Variants in ACADL observed in about 807,000 individuals in gnomAD.
The protein encoded by ACADL is long-chain specific acyl-CoA dehydrogenase, mitochondrial.
ACADL carries 60 observed loss-of-function variants against 56.9 expected under a neutral mutation model. The ratio of observed to expected loss-of-function variants is 1.05; its 90% confidence interval spans 0.86 to 1.31. ACADL has a LOEUF of 1.31. Among genes scored for constraint, ACADL ranks in the 50% most tolerant of loss-of-function variants. ACADL has a pLI of 0.00. For missense variants in ACADL, 484 were observed against 525.5 expected (o/e 0.92, Z 0.77); for synonymous variants, 158 against 179.7 (o/e 0.88, Z 0.97).
rs745306024 is a variant in ACADL at position 210,220,692 on chromosome 2, C to G, written c.188G>C (p.Ser63Thr). ...FSPEHDIFRK[S>T]VRKFFQEEVI... The stretch of plus-strand genomic sequence containing the variant: ...TTCTTCTTGGAAAAACTTCCTTACA[C>G]TTTTCCGGAAAATGTCATGCTCTGG... Residue 63 changes from serine to threonine, a missense_variant, in exon 2 of 11, where the codon AGT (serine) becomes ACT (threonine). Physicochemically the swap from Ser to Thr is moderately conservative, Grantham distance 58. Coordinates refer to ENST00000233710, the MANE Select transcript of ACADL (RefSeq NM_001608.4). 1.2e-6 allele frequency: 2 copies of G among 1,613,576 alleles called. No individual in the cohort carries two copies. The highest frequency in any genetic ancestry group is 1.7e-6 in the Non-Finnish European group (2 of 1,179,782).
At chr2:210,209,982 A>G (rs561661792) in intron 5 of ACADL, 1 of 484,472 alleles carries the variant, frequency 2.1e-6, no homozygotes, top group South Asian at 2.6e-5. Context: ...CCTTTGCCAT[A>G]TTAGTGAGGG....
Position 210,189,063 on chromosome 2 carries a change from A to C in ACADL, c.1200-9T>G. The C allele has an allele frequency of 2.5e-6, 4 of 1,582,602 alleles. No individual in the cohort carries two copies. The highest frequency in any genetic ancestry group is 3.5e-6 in the Non-Finnish European group (4 of 1,151,608). Reference sequence around the variant, plus strand: ...TGGCATCCACATAAGCTCTGGATAAATCAGATGATTGAATGAATAAATAAA... The same window carrying C: ...TGGCATCCACATAAGCTCTGGATAACTCAGATGATTGAATGAATAAATAAA... On this transcript the variant is annotated splice_polypyrimidine_tract_variant and intron_variant, in intron 10 of 10. Coordinates refer to ENST00000233710, the MANE Select transcript of ACADL (RefSeq NM_001608.4).
intron 8 of ACADL, among the ~76,000 whole-genome samples, chr2:210,199,580 T>C (rs1688762466): frequency 6.6e-6 from 1 of 152,082 alleles, no homozygotes; most frequent in Non-Finnish European, 1.5e-5. Context: ...TTCTGAGCCA[T>C]TCAGGCAATC....
intron 3 of ACADL, 188 bp downstream of exon 3, chr2:210,217,777 C>A: frequency 1.5e-6 from 1 of 675,106 alleles, no homozygotes; most frequent in East Asian, 2.8e-5. Context: ...AAAGGATTTT[C>A]TTATTATCCC....
At chr2:210,194,934 C>G (rs979430880) in intron 9 of ACADL, among the ~76,000 whole-genome samples, 1 of 152,150 alleles carries the variant, frequency 6.6e-6, no homozygotes, top group African/African-American at 2.4e-5. Context: ...CATTTTCCCA[C>G]TCTTAATATT....
intron 4 of ACADL, among the ~76,000 whole-genome samples, chr2:210,214,990 G>T (rs535215560): frequency 6.6e-6 from 1 of 152,102 alleles, no homozygotes; most frequent in Non-Finnish European, 1.5e-5. Context: ...AATATTAAGA[G>T]ATTTAAAAAT....
At chr2:210,206,045 C>CATA (rs970286376) in intron 5 of ACADL, among the ~76,000 whole-genome samples, 2 of 151,858 alleles carry the variant, frequency 1.3e-5, no homozygotes, top group African/African-American at 4.8e-5. Flanking sequence ...TAATATTATA[C>CATA]ATAATAATAA....
At chr2:210,218,470 A>G (rs2125717893) in intron 2 of ACADL, 1 of 243,290 alleles carries the variant, frequency 4.1e-6, no homozygotes, top group Admixed American at 5.3e-5. Context: ...TTTTTTTTGT[A>G]GAGACGGGGT....
At chr2:210,201,173 T>G (rs929891773) in intron 8 of ACADL, among the ~76,000 whole-genome samples, 6 of 152,188 alleles carry the variant, frequency 3.9e-5, no homozygotes, top group African/African-American at 1.4e-4. Flanking sequence ...TGTTCCTGTG[T>G]GATGACCTAG....
Position 210,195,454 on chromosome 2 carries a change from A to T in ACADL, c.985-116T>A, listed in dbSNP as rs1688694639. ...GATCTTTAGGGCAAACAAAAGTGGAATTGTTGGTTTTTTCCTCCATAAAAA... is the reference window on the plus strand; with the variant it reads ...GATCTTTAGGGCAAACAAAAGTGGATTTGTTGGTTTTTTCCTCCATAAAAA... On this transcript the variant is annotated intron_variant, in intron 8 of 10. Coordinates refer to ENST00000233710, the MANE Select transcript of ACADL (RefSeq NM_001608.4). 33 of 1,169,956 alleles carry T rather than the reference A, an allele frequency of 2.8e-5. No homozygotes were observed. The South Asian group carries it at 4.4e-4, about 16-fold the overall frequency. The allele number at this position is 1,169,956 out of a possible 1,614,324, so 72.5% of individuals were successfully genotyped here. A position where few individuals can be genotyped will look rare whatever the true frequency, so the allele number is the denominator to read the frequency against.
At chr2:210,198,628 G>C (rs263681) in intron 8 of ACADL, among the ~76,000 whole-genome samples, 17,576 of 152,020 alleles carry the variant, frequency 0.12, 1,256 homozygotes, top group African/African-American at 0.2. Context: ...ACAGTATATA[G>C]GTAAAGAGTG....
intron 5 of ACADL, chr2:210,209,680 T>C (rs1286614568): frequency 6.5e-6 from 1 of 153,398 alleles, no homozygotes; most frequent in Non-Finnish European, 1.4e-5. Context: ...TAGTTTTTAC[T>C]TTTATAGAGA....
intron 5 of ACADL, among the ~76,000 whole-genome samples, chr2:210,208,430 A>G (rs1688924982): frequency 6.6e-6 from 1 of 152,180 alleles, no homozygotes; most frequent in African/African-American, 2.4e-5. Context: ...TAATAGAGTT[A>G]TATGAGAATT....
intron 8 of ACADL, among the ~76,000 whole-genome samples, chr2:210,198,190 C>G (rs992693199): frequency 2.0e-5 from 3 of 152,082 alleles, no homozygotes; most frequent in Non-Finnish European, 4.4e-5. Flanking sequence ...TGGATGGAGT[C>G]TTTTTCAGAG....
At chr2:210,222,345 A>T (rs1485800227) in intron 1 of ACADL, among the ~76,000 whole-genome samples, 3 of 152,004 alleles carry the variant, frequency 2.0e-5, no homozygotes, top group Non-Finnish European at 4.4e-5. Flanking sequence ...GGAGGCAGAG[A>T]CAGAGGTTGC....
intron 9 of ACADL, among the ~76,000 whole-genome samples, chr2:210,193,802 G>A (rs544552618): frequency 1.3e-5 from 2 of 152,140 alleles, no homozygotes; most frequent in East Asian, 3.9e-4. Flanking sequence ...TTCTCAAGTA[G>A]GAGTTACTAC....
At chr2:210,223,426 T>C (rs1020333900) in intron 1 of ACADL, among the ~76,000 whole-genome samples, 39 of 152,160 alleles carry the variant, frequency 2.6e-4, no homozygotes, top group African/African-American at 8.9e-4. Flanking sequence ...AGAAGCTGGT[T>C]ATAAATACAC....
intron 8 of ACADL, among the ~76,000 whole-genome samples, chr2:210,196,263 C>CTT (rs11328078): frequency 6.8e-6 from 1 of 147,744 alleles, no homozygotes; most frequent in Non-Finnish European, 1.5e-5. Flanking sequence ...CATTAAACCT[C>CTT]TTTTTTTTTT....
At chr2:210,204,550 T>G (rs199749696) in intron 7 of ACADL, 31 bp downstream of exon 7, 1 of 1,431,914 alleles carries the variant, frequency 7.0e-7, no homozygotes, top group Non-Finnish European at 9.8e-7. Flanking sequence ...CATTATTCAG[T>G]CAAAAGATGG....
Sources: allele counts gnomAD v4.1 joint callset (sites outside exome capture counted in the v4.1 genomes callset), GRCh38; gene constraint gnomAD v4.1.1; transcripts MANE v1.5; gene names NCBI Gene and HGNC (gene_info 2026-07-23, HGNC 2026-07-21).